The following ZNF81 variants were observed in gnomAD, a reference collection of about 807,000 sequenced individuals.
The protein encoded by ZNF81 is zinc finger protein 81 (HFZ20).
Under a neutral mutation model 32.3 loss-of-function variants are expected in ZNF81, and 5 were observed. The ratio of observed to expected loss-of-function variants is 0.15; its 90% confidence interval spans 0.08 to 0.33. ZNF81 has a LOEUF of 0.33. Ranked by LOEUF, ZNF81 falls within the 10% of genes least tolerant of loss-of-function variation. ZNF81 has a pLI of 1.00. For synonymous variants in ZNF81, 163 were observed against 166.8 expected, an observed-to-expected ratio of 0.98 and a Z score of 0.17; for missense variants, 379 against 479.8, an observed-to-expected ratio of 0.79 and a Z score of 1.96.
Position 47,915,412 on chromosome X carries a change from A to T in ZNF81, c.766A>T (p.Ser256Cys), listed in dbSNP as rs369434690. 1.6e-5 allele frequency: 19 copies of T among 1,210,035 alleles called. No individual in the cohort carries two copies. The African/African-American group carries it at 3.0e-4, about 19-fold the overall frequency. Residue 256 changes from serine (S) to cysteine (C), a missense_variant, in exon 5 of 5, where the codon AGC becomes TGC. Ser to Cys is a moderately radical substitution (Grantham distance 112). Coordinates refer to ENST00000338637, the MANE Select transcript of ZNF81 (RefSeq NM_007137.5). The stretch of plus-strand genomic sequence containing the variant: ...ACGTAATCAATGTGGAAAAGTCCTC[A>T]GCCTCAAACACTCACTCAGTCAAAA... ...CERNQCGKVL[S>C]LKHSLSQNVK...
rs1440226722 is a variant in ZNF81 at position 47,906,427 on chromosome X, T to C, written c.278-8497T>C. ...AGCCACTTTCTGTATAAATAACATTTATAAAAAACAAAATGAAGTTGCAAA... is the reference window on the plus strand; with the variant it reads ...AGCCACTTTCTGTATAAATAACATTCATAAAAAACAAAATGAAGTTGCAAA... On this transcript the variant is annotated intron_variant, in intron 4 of 4. Coordinates refer to ENST00000338637, the MANE Select transcript of ZNF81 (RefSeq NM_007137.5). Among the ~76,000 whole-genome samples the C allele has an allele frequency of 4.2e-5, 4 of 96,275 alleles. No homozygotes were observed. In the East Asian group the frequency reaches 1.3e-3, roughly 32 times the overall value. The allele number at this position is 96,275 out of a possible 115,157, so 83.6% of individuals were successfully genotyped here.
intron 2 of ZNF81, among the ~76,000 whole-genome samples, chrX:47,846,950 G>A (rs2058473295): frequency 8.9e-6 from 1 of 111,815 alleles, no homozygotes; most frequent in African/African-American, 3.3e-5. Context: ...ATGCTGTGAT[G>A]ACTATTTCGG....
intron 1 of ZNF81, among the ~76,000 whole-genome samples, chrX:47,845,060 A>G (rs1009427654): frequency 8.9e-6 from 1 of 112,488 alleles, no homozygotes; most frequent in African/African-American, 3.2e-5. Flanking sequence ...TAAAAGTTCC[A>G]TTACTATAAG....
In ZNF81 at chrX:47,920,935, C is replaced by T. The variant is rs183328174; in HGVS notation, c.*4303C>T. The T allele has an allele frequency of 7.2e-5, 8 of 111,603 alleles. No individual in the cohort carries two copies. The Admixed American group carries it at 7.6e-4, about 11-fold the overall frequency. The allele number at this position is 111,603 out of a possible 1,213,427, so 9.2% of individuals were successfully genotyped here. On this transcript the variant is annotated 3_prime_UTR_variant, in exon 5 of 5. Transcript: ENST00000338637. Reference sequence around the variant, plus strand: ...TGTACCACAGATGGCCCAGGAGAGGCACTTGTCTTTTATTATATTTCAAGC... The same window carrying T: ...TGTACCACAGATGGCCCAGGAGAGGTACTTGTCTTTTATTATATTTCAAGC...
Position 47,846,336 on chromosome X carries a change from G to A in ZNF81, c.54+15G>A. The A allele has an allele frequency of 8.3e-7, 1 of 1,205,507 alleles. No homozygotes were observed. Among genetic ancestry groups the A allele is most frequent in the African/African-American group, 1.7e-5 (1 of 57,836 alleles). On this transcript the variant is annotated intron_variant, in intron 2 of 4. Coordinates refer to ENST00000338637, the MANE Select transcript of ZNF81 (RefSeq NM_007137.5). ...GTGCCTGTGAGGTGAGGAGGAGGAA[G>A]AGGTGCCCAGGGATTGGAATTCATC...
chrX:47,861,914 G>A (rs1556882605), intron 2 of ZNF81, among the ~76,000 whole-genome samples: 1 of 111,975 alleles, frequency 8.9e-6, no homozygotes, highest in African/African-American at 3.2e-5. Context: ...AATGTTTCCA[G>A]GGCCAAGGTA....
intron 2 of ZNF81, among the ~76,000 whole-genome samples, chrX:47,863,919 T>C (rs2058550596): frequency 1.8e-5 from 2 of 111,707 alleles, no homozygotes; most frequent in Non-Finnish European, 3.8e-5. Flanking sequence ...AAAGAGAAAA[T>C]CACTGCCACC....
chrX:47,898,935 T>C (rs1556887580), intron 4 of ZNF81, among the ~76,000 whole-genome samples: 1 of 112,012 alleles, frequency 8.9e-6, no homozygotes, highest in Non-Finnish European at 1.9e-5. Context: ...TTGCTAGTGA[T>C]TGATTTTTGT....
At chrX:47,871,643 A>G (rs2058580854) in intron 2 of ZNF81, among the ~76,000 whole-genome samples, 1 of 112,028 alleles carries the variant, frequency 8.9e-6, no homozygotes, top group Admixed American at 9.5e-5. Context: ...GCATCTTCCA[A>G]GCACAAGATT....
At chrX:47,859,386 A>AT (rs1278349355) in intron 2 of ZNF81, among the ~76,000 whole-genome samples, 2 of 110,304 alleles carry the variant, frequency 1.8e-5, no homozygotes, top group African/African-American at 3.3e-5. Context: ...TATTTCTGTC[A>AT]TTTTTTCCCT....
intron 4 of ZNF81, among the ~76,000 whole-genome samples, chrX:47,896,590 A>G (rs954135093): frequency 5.4e-5 from 6 of 111,925 alleles, no homozygotes; most frequent in Non-Finnish European, 9.4e-5. Context: ...CCATTTTATT[A>G]AGGTAGAATT....
intron 1 of ZNF81, among the ~76,000 whole-genome samples, chrX:47,845,412 C>T (rs1556880313): frequency 9.0e-6 from 1 of 111,641 alleles, no homozygotes; most frequent in East Asian, 2.8e-4. Context: ...AACTTTAGTC[C>T]CAGGCTATTA....
At position 47,870,387 on chromosome X, in the gene ZNF81, A is replaced by T. The variant is rs60690958; in HGVS notation, c.55-17612A>T. 5.4e-5 allele frequency among the ~76,000 whole-genome samples: 6 copies of T among 112,106 alleles called. No homozygotes were observed. The East Asian group carries it at 1.1e-3, about 21-fold the overall frequency. ...CCATTTTAATTCAGAAAGTCAGTGAATCTTGGCCAATGAGTTTTTTTAGAC... is the reference window on the plus strand; with the variant it reads ...CCATTTTAATTCAGAAAGTCAGTGATTCTTGGCCAATGAGTTTTTTTAGAC... On this transcript the variant is annotated intron_variant, in intron 2 of 4. Transcript: ENST00000338637.
At chrX:47,851,974 A>G (rs1229209034) in intron 2 of ZNF81, among the ~76,000 whole-genome samples, 13 of 112,259 alleles carry the variant, frequency 1.2e-4, no homozygotes, top group African/African-American at 3.9e-4. Context: ...ATGCAATACT[A>G]CATTAGCATA....
At chrX:47,841,027 T>C in intron 1 of ZNF81, 1 of 861,418 alleles carries the variant, frequency 1.2e-6, no homozygotes, top group Non-Finnish European at 1.7e-6. Context: ...GCCCGTCTCC[T>C]TGAGGAAGCC....
rs2058469428 is a variant in ZNF81, at chrX:47,846,183, TC to T, written c.-81del. On this transcript the variant is annotated 5_prime_UTR_variant, in exon 2 of 5. Coordinates refer to ENST00000338637, the MANE Select transcript of ZNF81 (RefSeq NM_007137.5). ...AGGATCTTCCTTCTGACCCCAGCAG[TC>T]CCCGTTGAGTCCACCGATCCCACTG... 1 of 1,078,382 alleles carries T rather than the reference TC, an allele frequency of 9.3e-7. No individual in the cohort carries two copies. Among genetic ancestry groups the T allele is most frequent in the Non-Finnish European group, 1.3e-6 (1 of 792,677 alleles). 88.9% of individuals were successfully genotyped at this position (1,078,382 alleles called of 1,213,427 possible). A position where few individuals can be genotyped will look rare whatever the true frequency, so the allele number is the denominator to read the frequency against.
chrX:47,885,327 A>G (rs185095714), intron 2 of ZNF81, among the ~76,000 whole-genome samples: 2 of 112,019 alleles, frequency 1.8e-5, no homozygotes, highest in South Asian at 3.7e-4. Flanking sequence ...TATTGAATCT[A>G]TAAGTGTATG....
At chrX:47,850,889 G>GCACACACACA (rs1201846775) in intron 2 of ZNF81, among the ~76,000 whole-genome samples, 5 of 27,016 alleles carry the variant, frequency 1.9e-4, no homozygotes, top group African/African-American at 2.9e-4. Flanking sequence ...ACAGGCACGC[G>GCACACACACA]CGCACACACA....
intron 4 of ZNF81, among the ~76,000 whole-genome samples, chrX:47,902,682 C>G: frequency 8.9e-6 from 1 of 112,207 alleles, no homozygotes. Flanking sequence ...GTAAGCAACA[C>G]ACATCCAAAT....
Sources: allele counts gnomAD v4.1 joint callset (sites outside exome capture counted in the v4.1 genomes callset), GRCh38; gene constraint gnomAD v4.1.1; transcripts MANE v1.5; gene names NCBI Gene and HGNC (gene_info 2026-07-23, HGNC 2026-07-21).